MCC: variants seen among roughly 807,000 people sequenced by gnomAD.
The protein encoded by MCC is MCC regulator of Wnt signaling pathway, also known as colorectal mutant cancer protein.
In MCC, 90 loss-of-function variants were observed where a neutral mutation model predicts 116.2. The observed-to-expected ratio is 0.77, with a 90% CI of 0.65 to 0.92. The LOEUF is 0.92. MCC is among the 40% of genes least tolerant of loss of function. MCC has a pLI of 0.00. For synonymous variants in MCC, 578 were observed against 510.5 expected (o/e 1.13, Z -1.78); for missense variants, 1,516 against 1,312.2 (o/e 1.16, Z -2.40).
At chr5:113,363,686 G>A (rs763432988) in intron 2 of MCC, among the ~76,000 whole-genome samples, 3 of 152,180 alleles carry the variant, frequency 2.0e-5, no homozygotes, top group South Asian at 2.1e-4. Context: ...AAACCCTATC[G>A]TTCCACCTCT....
chr5:113,325,913 C>T (rs1432259096), intron 3 of MCC, among the ~76,000 whole-genome samples: 1 of 152,112 alleles, frequency 6.6e-6, no homozygotes. Context: ...TGTATCTGAA[C>T]TCTGGAAAAC....
At chr5:113,380,987 G>A (rs575708115) in intron 2 of MCC, among the ~76,000 whole-genome samples, 2 of 152,334 alleles carry the variant, frequency 1.3e-5, no homozygotes, top group South Asian at 2.1e-4. Flanking sequence ...GCCACAGAAT[G>A]TTTTAGACAT....
chr5:113,355,706 G>A (rs960318463), intron 2 of MCC, among the ~76,000 whole-genome samples: 1 of 151,990 alleles, frequency 6.6e-6, no homozygotes, highest in Non-Finnish European at 1.5e-5. Context: ...GCAAGGTCAA[G>A]CTCTGCAGTG....
At chr5:113,180,073 T>C (rs1453352665) in intron 3 of MCC, among the ~76,000 whole-genome samples, 2 of 152,170 alleles carry the variant, frequency 1.3e-5, no homozygotes, top group Admixed American at 6.5e-5. Flanking sequence ...ATGAATACAG[T>C]GGCCCGACAG....
intron 3 of MCC, among the ~76,000 whole-genome samples, chr5:113,272,355 A>G (rs1177337795): frequency 6.6e-6 from 1 of 152,182 alleles, no homozygotes; most frequent in East Asian, 1.9e-4. Context: ...CTGAATAAAT[A>G]CTATGAATTT....
Position 113,104,260 on chromosome 5 carries a change from C to G in MCC, c.1123G>C (p.Val375Leu), listed in dbSNP as rs138865235. 2 of 1,614,052 alleles carry G rather than the reference C, an allele frequency of 1.2e-6. No homozygotes were observed. The highest frequency in any genetic ancestry group is 2.7e-5 in the African/African-American group (2 of 75,048). ...GRKKSSCSLS[V>L]AEVDKHIEQL... ...TCAATGTGCTTGTCCACCTCGGCCA[C>G]GGAGAGGCTGCAGCTGCTCTTCTTC... is the stretch of plus-strand genomic sequence containing the variant. The change falls in exon 7 of 19, where the codon GTG becomes CTG. Residue 375 changes from valine to leucine, a missense_variant. By Grantham distance (32) the Val-to-Leu change is conservative (BLOSUM62 1). Transcript: ENST00000408903.
At chr5:113,269,145 C>G in intron 3 of MCC, 1 of 984,928 alleles carries the variant, frequency 1.0e-6, no homozygotes, top group Non-Finnish European at 1.2e-6. Flanking sequence ...TGGAGGGAGA[C>G]AAGGCAGAAT....
chr5:113,357,081 G>A (rs556512392), intron 2 of MCC, among the ~76,000 whole-genome samples: 2 of 152,280 alleles, frequency 1.3e-5, no homozygotes, highest in African/African-American at 4.8e-5. Flanking sequence ...CCAGCTATGT[G>A]ACATCAAGCA....
chr5:113,185,162 T>C (rs1761839044), intron 3 of MCC, among the ~76,000 whole-genome samples: 1 of 152,136 alleles, frequency 6.6e-6, no homozygotes, highest in South Asian at 2.1e-4. Flanking sequence ...GTTGAATTCA[T>C]CCAACTTTGG....
At chr5:113,187,489 A>G (rs1466481197) in intron 3 of MCC, among the ~76,000 whole-genome samples, 1 of 152,336 alleles carries the variant, frequency 6.6e-6, no homozygotes, top group African/African-American at 2.4e-5. Flanking sequence ...GGAACCCAGG[A>G]TATTTCAGGG....
intron 3 of MCC, among the ~76,000 whole-genome samples, chr5:113,336,590 C>T (rs1025298946): frequency 1.3e-5 from 2 of 152,196 alleles, no homozygotes; most frequent in African/African-American, 4.8e-5. Context: ...TCCCTCTTAA[C>T]AGCTGATCTG....
intron 16 of MCC, among the ~76,000 whole-genome samples, chr5:113,046,425 C>T (rs1260830071): frequency 6.6e-6 from 1 of 152,016 alleles, no homozygotes; most frequent in Non-Finnish European, 1.5e-5. Context: ...CTCCTGACCT[C>T]AAGTGATCCA....
chr5:113,213,720 C>T (rs1205583142), intron 3 of MCC, among the ~76,000 whole-genome samples: 1 of 152,130 alleles, frequency 6.6e-6, no homozygotes, highest in South Asian at 2.1e-4. Flanking sequence ...AAGCTGCCTG[C>T]CTAAAAAGTA....
At chr5:113,223,615 T>G (rs1763628881) in intron 3 of MCC, among the ~76,000 whole-genome samples, 1 of 152,104 alleles carries the variant, frequency 6.6e-6, no homozygotes, top group African/African-American at 2.4e-5. Flanking sequence ...GAGAATTTTT[T>G]TTAAAGCAGG....
chr5:113,460,572 TG>T (rs1771716757), intron 1 of MCC, among the ~76,000 whole-genome samples: 1 of 152,224 alleles, frequency 6.6e-6, no homozygotes, highest in South Asian at 2.1e-4. Flanking sequence ...TGTGTGGGCC[TG>T]CAGATTGCTC....
chr5:113,488,185 CA>C, intron 1 of MCC, 59 bp downstream of exon 1: 1 of 1,540,696 alleles, frequency 6.5e-7, no homozygotes, highest in South Asian at 1.2e-5. Flanking sequence ...GAGCAGGGGT[CA>C]AGGGCGCGCG....
At chr5:113,044,779 G>C (rs1012140528) in intron 16 of MCC, among the ~76,000 whole-genome samples, 3 of 152,102 alleles carry the variant, frequency 2.0e-5, no homozygotes, top group Non-Finnish European at 4.4e-5. Flanking sequence ...TCTCCATGTT[G>C]GTCAGGCTGG....
At chr5:113,432,320 C>CAAAAAA (rs66577040) in intron 1 of MCC, among the ~76,000 whole-genome samples, 215 of 68,104 alleles carry the variant, frequency 3.2e-3, no homozygotes, top group Non-Finnish European at 4.1e-3. Context: ...GACTCTGTCT[C>CAAAAAA]AAAAAAAAAA....
intron 11 of MCC, among the ~76,000 whole-genome samples, chr5:113,075,682 A>T (rs1754396394): frequency 6.6e-6 from 1 of 152,054 alleles, no homozygotes; most frequent in Admixed American, 6.5e-5. Flanking sequence ...AATCAGCAGG[A>T]TGTGGGTGGG....
Sources: gnomAD v4.1 joint callset for allele counts (sites outside exome capture counted in the v4.1 genomes callset) on GRCh38, gnomAD v4.1.1 for gene constraint, MANE v1.5 for transcripts, NCBI Gene and HGNC (gene_info 2026-07-23, HGNC 2026-07-21) for gene names.